NEGR1: variants seen among roughly 807,000 people sequenced by gnomAD.
NEGR1 encodes the protein IgLON family member 4.
In NEGR1, 10 loss-of-function variants were observed where a neutral mutation model predicts 40.9. That is an observed-to-expected ratio of 0.24 (90% CI 0.15 to 0.42). The LOEUF is 0.42. NEGR1 is among the 10% of genes least tolerant of loss of function. NEGR1 has a pLI of 1.00. For missense variants in NEGR1, 352 were observed against 438.9 expected, an observed-to-expected ratio of 0.80 and a Z score of 1.77; for synonymous variants, 185 against 166.8, an observed-to-expected ratio of 1.11 and a Z score of -0.84.
chr1:71,769,103 G>C (rs1656228627), intron 3 of NEGR1, among the ~76,000 whole-genome samples: 1 of 150,542 alleles, frequency 6.6e-6, no homozygotes, highest in Admixed American at 6.6e-5. Flanking sequence ...CCTAGTTTCT[G>C]GTATTTTATA....
chr1:72,237,031 A>C lies in NEGR1; in HGVS notation c.176+45288T>G, dbSNP rs142411830. ...TTAAAAAGTGAAAAATGTCTGCCTT[A>C]ATTATCGGAATTTTATTTATTATTT... On this transcript the variant is annotated intron_variant, in intron 1 of 6. Transcript: ENST00000357731. Among the ~76,000 whole-genome samples, 4 of 152,102 alleles carry C rather than the reference A, an allele frequency of 2.6e-5. No individual in the cohort carries two copies. In the South Asian group the frequency reaches 6.2e-4, roughly 24 times the overall value.
chr1:72,216,580 A>G (rs950579101), intron 1 of NEGR1, among the ~76,000 whole-genome samples: 5 of 151,014 alleles, frequency 3.3e-5, no homozygotes, highest in African/African-American at 1.2e-4. Flanking sequence ...ATTGTGGCCA[A>G]TTAGGATTTA....
intron 2 of NEGR1, among the ~76,000 whole-genome samples, chr1:71,778,019 C>T (rs1656570888): frequency 6.6e-6 from 1 of 151,762 alleles, no homozygotes; most frequent in Non-Finnish European, 1.5e-5. Flanking sequence ...TTAAATTACC[C>T]TAGAAGGAAA....
intron 2 of NEGR1, among the ~76,000 whole-genome samples, chr1:71,894,816 G>A (rs918402311): frequency 2.0e-5 from 3 of 152,196 alleles, no homozygotes; most frequent in Non-Finnish European, 4.4e-5. Flanking sequence ...GCTGAGGCAG[G>A]AGGATTGCTT....
chr1:72,165,733 C>T (rs1651741807), intron 1 of NEGR1, among the ~76,000 whole-genome samples: 1 of 151,972 alleles, frequency 6.6e-6, no homozygotes, highest in Admixed American at 6.6e-5. Context: ...AACTATCCAT[C>T]AAACTATGGT....
chr1:72,045,288 T>G (rs1251705232), intron 1 of NEGR1, among the ~76,000 whole-genome samples: 1 of 151,812 alleles, frequency 6.6e-6, no homozygotes, highest in African/African-American at 2.4e-5. Flanking sequence ...TATCAAATCA[T>G]CAATTGGAAA....
At chr1:71,961,279 C>T (rs922888100) in intron 1 of NEGR1, among the ~76,000 whole-genome samples, 4 of 152,184 alleles carry the variant, frequency 2.6e-5, no homozygotes, top group South Asian at 2.1e-4. Context: ...TCTTGAGGTA[C>T]GATGCTGGAA....
At chr1:71,671,130 T>C (rs1437601817) in intron 4 of NEGR1, among the ~76,000 whole-genome samples, 1 of 152,208 alleles carries the variant, frequency 6.6e-6, no homozygotes, top group Non-Finnish European at 1.5e-5. Context: ...GTCATCACTA[T>C]TAGGTTTGTT....
In NEGR1 at chr1:71,432,759, C is replaced by T. The variant is rs1449840242; in HGVS notation, c.941-25189G>A. 3.3e-5 allele frequency among the ~76,000 whole-genome samples: 5 copies of T among 152,218 alleles called. 1 individual carries two copies. In the East Asian group the frequency reaches 7.7e-4, roughly 23 times the overall value. ...ATCCAGGCAATCAATTATTGCCACT[C>T]AATGGAATTATTATTCTCCCCCACC... On this transcript the variant is annotated intron_variant, in intron 6 of 6. Transcript: ENST00000357731.
At chr1:72,216,370 G>T (rs1653810072) in intron 1 of NEGR1, among the ~76,000 whole-genome samples, 1 of 110,982 alleles carries the variant, frequency 9.0e-6, no homozygotes, top group Non-Finnish European at 1.8e-5. Flanking sequence ...GAACTTGGAA[G>T]TTATATATAT....
rs759687500 is a variant in NEGR1 at position 71,759,287 on chromosome 1, CTTTTTTTTTTTT to C, written c.535+16873_535+16884del. ...AAGGTTGCATTTTCCAAGATTATAA[CTTTTTTTTTTTT>C]TTTTTTTTTTTTTTTTGAGACATAG... On this transcript the variant is annotated intron_variant, in intron 3 of 6. Transcript: ENST00000357731. 1.1e-3 allele frequency among the ~76,000 whole-genome samples: 91 copies of C among 85,216 alleles called. 1 individual carries two copies. The highest frequency in any genetic ancestry group is 7.8e-3 in the Admixed American group (47 of 6,048). The allele number at this position is 85,216 out of a possible 152,430, so 55.9% of individuals were successfully genotyped here. A position where few individuals can be genotyped will look rare whatever the true frequency, so the allele number is the denominator to read the frequency against.
At chr1:72,248,608 A>G (rs1189417889) in intron 1 of NEGR1, among the ~76,000 whole-genome samples, 2 of 138,784 alleles carry the variant, frequency 1.4e-5, no homozygotes, top group Admixed American at 1.4e-4. Flanking sequence ...TATTATTATT[A>G]TTATTATTTT....
rs575776862 is a variant in NEGR1 at position 71,927,982 on chromosome 1, A to G, written c.409+7097T>C. On this transcript the variant is annotated intron_variant, in intron 2 of 6. Coordinates refer to ENST00000357731, the MANE Select transcript of NEGR1 (RefSeq NM_173808.3). ...CCACTACACTTCAGCCTGGACACAGAGTGAGATGCTGTCTCAGGAAAAAAT... is the reference window on the plus strand; with the variant it reads ...CCACTACACTTCAGCCTGGACACAGGGTGAGATGCTGTCTCAGGAAAAAAT... 5.4e-5 allele frequency among the ~76,000 whole-genome samples: 8 copies of G among 147,420 alleles called. No individual in the cohort carries two copies. In the East Asian group the frequency reaches 1.4e-3, roughly 26 times the overall value.
At chr1:72,252,610 A>C (rs1655140183) in intron 1 of NEGR1, among the ~76,000 whole-genome samples, 1 of 152,160 alleles carries the variant, frequency 6.6e-6, no homozygotes, top group African/African-American at 2.4e-5. Context: ...TACATATATT[A>C]ACTTTAGAAA....
rs570822306 is a variant in NEGR1, at chr1:71,446,371, T to C, written c.941-38801A>G. Among the ~76,000 whole-genome samples the C allele has an allele frequency of 1.1e-4, 16 of 152,256 alleles. No homozygotes were observed. In the South Asian group the frequency reaches 3.1e-3, roughly 30 times the overall value. On this transcript the variant is annotated intron_variant, in intron 6 of 6. Transcript: ENST00000357731. ...TAGAAGAGAGAAAAAAGCTACACTTTCTTAAATGTCATGAAATAGTGAATT... is the reference window on the plus strand; with the variant it reads ...TAGAAGAGAGAAAAAAGCTACACTTCCTTAAATGTCATGAAATAGTGAATT...
chr1:72,080,819 A>T (rs1458199610), intron 1 of NEGR1, among the ~76,000 whole-genome samples: 4 of 152,086 alleles, frequency 2.6e-5, no homozygotes, highest in Non-Finnish European at 4.4e-5. Context: ...AAGCTAAATA[A>T]ATTGTATGTA....
rs563216482 is a variant in NEGR1, at chr1:71,624,697, TGTC to T, written c.668-13554_668-13552del. 4.8e-4 allele frequency among the ~76,000 whole-genome samples: 73 copies of T among 152,038 alleles called. No individual in the cohort carries two copies. The South Asian group carries it at 5.2e-3, about 11-fold the overall frequency. On this transcript the variant is annotated intron_variant, in intron 4 of 6. Transcript: ENST00000357731. ...AATAGTCATCCCTCAGATATTGACA[TGTC>T]GTGCTTACATCCTCATTTCCTTCCA...
chr1:72,048,565 G>T (rs1229996110), intron 1 of NEGR1, among the ~76,000 whole-genome samples: 1 of 151,436 alleles, frequency 6.6e-6, no homozygotes, highest in Non-Finnish European at 1.5e-5. Context: ...TTGATAAATC[G>T]GGTGGAATAG....
chr1:72,127,198 A>T (rs2100303549), intron 1 of NEGR1, among the ~76,000 whole-genome samples: 1 of 152,214 alleles, frequency 6.6e-6, no homozygotes, highest in African/African-American at 2.4e-5. Flanking sequence ...TCACGCCTGT[A>T]ATCCGCCCGT....
Sources: gnomAD v4.1 joint callset for allele counts (sites outside exome capture counted in the v4.1 genomes callset) on GRCh38, gnomAD v4.1.1 for gene constraint, MANE v1.5 for transcripts, NCBI Gene and HGNC (gene_info 2026-07-23, HGNC 2026-07-21) for gene names.